Variants in NAT1 observed in about 807,000 individuals in gnomAD.
NAT1 encodes arylamine N-acetyltransferase 1.
For synonymous variants in NAT1, 144 were observed against 122.6 expected, an observed-to-expected ratio of 1.17 and a Z score of -1.16; for missense variants, 400 against 339.2, an observed-to-expected ratio of 1.18 and a Z score of -1.41.
chr8:18,221,898 A>T lies in NAT1; in HGVS notation c.-6-144A>T, dbSNP rs182393083. 4.5e-4 allele frequency: 392 copies of T among 862,442 alleles called. 1 individual carries two copies. The African/African-American group carries it at 5.7e-3, about 12-fold the overall frequency. 53.4% of individuals were successfully genotyped at this position (862,442 alleles called of 1,614,324 possible). A position where few individuals can be genotyped will look rare whatever the true frequency, so the allele number is the denominator to read the frequency against. Reference sequence around the variant, plus strand: ...AACTGAACTTATGTGTGTAAAAGGAATTCATACAATGAAAGCACTAGAAAT... The same window carrying T: ...AACTGAACTTATGTGTGTAAAAGGATTTCATACAATGAAAGCACTAGAAAT... On this transcript the variant is annotated intron_variant, in intron 2 of 2. Coordinates refer to ENST00000307719, the MANE Select transcript of NAT1 (RefSeq NM_000662.8).
At chr8:18,189,946 C>G (rs972334236) in intron 2 of NAT1, among the ~76,000 whole-genome samples, 1 of 152,106 alleles carries the variant, frequency 6.6e-6, no homozygotes, top group Non-Finnish European at 1.5e-5. Context: ...CGTGCCACCA[C>G]ACCTGGCTAA....
chr8:18,185,241 A>C (rs1289171664), intron 2 of NAT1, among the ~76,000 whole-genome samples: 1 of 152,160 alleles, frequency 6.6e-6, no homozygotes, highest in Non-Finnish European at 1.5e-5. Flanking sequence ...AAGTTTTGTA[A>C]ATATTTAGTA....
chr8:18,193,939 C>T (rs1803127014), intron 2 of NAT1, among the ~76,000 whole-genome samples: 1 of 152,170 alleles, frequency 6.6e-6, no homozygotes, highest in African/African-American at 2.4e-5. Flanking sequence ...CCACACCCGG[C>T]CTAAACCTGC....
In NAT1 at chr8:18,197,438, G is replaced by A. The variant is rs28383687; in HGVS notation, n.93-12343G>A. Reference sequence around the variant, plus strand: ...GATCTCTCCACCTCTAGCAGACATCGGCAGTGTCTGGAGACATTTTTGGTT... The same window carrying A: ...GATCTCTCCACCTCTAGCAGACATCAGCAGTGTCTGGAGACATTTTTGGTT... On this transcript the variant is annotated intron_variant and non_coding_transcript_variant, in intron 2 of 4. Transcript: ENST00000517441. 6.8e-3 allele frequency among the ~76,000 whole-genome samples: 1,028 copies of A among 152,250 alleles called. 12 individuals are homozygous for A. Among genetic ancestry groups the A allele is most frequent in the African/African-American group, 0.022 (929 of 41,530 alleles).
rs116388750 is a variant in NAT1, at chr8:18,179,251, C to A, written n.92+8512C>A. ...TCCAGTTCCAGGACACTCTTCATATCCTCAATGTGGTAATACTACATAATC... is the reference window on the plus strand; with the variant it reads ...TCCAGTTCCAGGACACTCTTCATATACTCAATGTGGTAATACTACATAATC... On this transcript the variant is annotated intron_variant and non_coding_transcript_variant, in intron 2 of 4. Transcript: ENST00000517441. Among the ~76,000 whole-genome samples the A allele has an allele frequency of 3.3e-3, 496 of 152,268 alleles. 5 individuals carry two copies. Among genetic ancestry groups the A allele is most frequent in the African/African-American group, 0.011 (473 of 41,558 alleles).
rs3038965 is a variant in NAT1, at chr8:18,173,146, GCACACACACACACA to G, written n.92+2426_92+2439del. 6.8e-4 allele frequency among the ~76,000 whole-genome samples: 99 copies of G among 146,634 alleles called. 1 individual carries two copies. The highest frequency in any genetic ancestry group is 3.5e-3 in the Middle Eastern group (1 of 284). On this transcript the variant is annotated intron_variant and non_coding_transcript_variant, in intron 2 of 4. Coordinates refer to the NAT1 transcript ENST00000517441. ...TTAGAGCACACGTGCACACAGAGAT[GCACACACACACACA>G]CACACACACACACACACAATGATCA...
At chr8:18,207,231 T>C (rs143649981), upstream of NAT1, among the ~76,000 whole-genome samples, 2 of 152,224 alleles carry the variant, frequency 1.3e-5, no homozygotes, top group African/African-American at 4.8e-5. Flanking sequence ...CATTGGTCTA[T>C]GTGTCCGTTT....
intron 2 of NAT1, among the ~76,000 whole-genome samples, chr8:18,186,058 A>G (rs1282388261): frequency 2.0e-5 from 3 of 152,148 alleles, no homozygotes; most frequent in Non-Finnish European, 4.4e-5. Context: ...CTTGCGTTAC[A>G]CGTTTGGGAA....
At chr8:18,201,799 G>A (rs548851262) in intron 2 of NAT1, among the ~76,000 whole-genome samples, 2 of 152,236 alleles carry the variant, frequency 1.3e-5, no homozygotes, top group South Asian at 2.1e-4. Flanking sequence ...TCTTGATTTC[G>A]GGGTATCTAA....
intron 2 of NAT1, among the ~76,000 whole-genome samples, chr8:18,220,770 C>G (rs1805198186): frequency 6.6e-6 from 1 of 152,146 alleles, no homozygotes; most frequent in African/African-American, 2.4e-5. Flanking sequence ...GAATACCCCA[C>G]CAGCTTCTAC....
At chr8:18,193,571 C>G (rs1803107884) in intron 2 of NAT1, among the ~76,000 whole-genome samples, 2 of 144,756 alleles carry the variant, frequency 1.4e-5, no homozygotes, top group African/African-American at 2.5e-5. Context: ...AGAGACAGTC[C>G]TTCTATCATG....
At chr8:18,185,195 G>C (rs1802686288) in intron 2 of NAT1, among the ~76,000 whole-genome samples, 1 of 152,050 alleles carries the variant, frequency 6.6e-6, no homozygotes, top group South Asian at 2.1e-4. Flanking sequence ...TAGGGGAAGA[G>C]TTCTTATTTT....
chr8:18,188,348 C>T (rs899451568), intron 2 of NAT1, among the ~76,000 whole-genome samples: 9 of 152,064 alleles, frequency 5.9e-5, no homozygotes, highest in African/African-American at 1.2e-4. Context: ...ACACTAATGA[C>T]GAAATTTTTC....
At chr8:18,189,577 G>C (rs183532732) in intron 2 of NAT1, among the ~76,000 whole-genome samples, 1 of 152,204 alleles carries the variant, frequency 6.6e-6, no homozygotes, top group African/African-American at 2.4e-5. Context: ...CTCAAGGGGA[G>C]TGGGAAGTGA....
At chr8:18,180,309 G>A (rs937917347) in intron 2 of NAT1, among the ~76,000 whole-genome samples, 2 of 152,166 alleles carry the variant, frequency 1.3e-5, no homozygotes, top group Non-Finnish European at 2.9e-5. Context: ...CAAGGGGGAT[G>A]CTATTTGACT....
intron 2 of NAT1, among the ~76,000 whole-genome samples, chr8:18,189,469 A>C (rs1040735141): frequency 6.6e-6 from 1 of 152,186 alleles, no homozygotes; most frequent in African/African-American, 2.4e-5. Flanking sequence ...CACGTGTAAT[A>C]ATATAATAAA....
upstream of NAT1, among the ~76,000 whole-genome samples, chr8:18,206,460 T>C (rs977692769): frequency 1.3e-5 from 2 of 152,194 alleles, no homozygotes; most frequent in Non-Finnish European, 2.9e-5. Context: ...AAAAACTGAA[T>C]GCTATTCCTC....
At chr8:18,182,047 T>G (rs1563163709) in intron 2 of NAT1, among the ~76,000 whole-genome samples, 2 of 152,174 alleles carry the variant, frequency 1.3e-5, no homozygotes, top group African/African-American at 2.4e-5. Flanking sequence ...GTCTCTCTCC[T>G]CTCTATGGTG....
intron 2 of NAT1, among the ~76,000 whole-genome samples, chr8:18,175,364 C>G (rs1437177051): frequency 6.6e-6 from 1 of 151,942 alleles, no homozygotes; most frequent in African/African-American, 2.4e-5. Context: ...TTTCCATTCC[C>G]CATCCCTCCT....
Sources: allele counts gnomAD v4.1 joint callset (sites outside exome capture counted in the v4.1 genomes callset), GRCh38; gene constraint gnomAD v4.1.1; transcripts MANE v1.5; gene names NCBI Gene and HGNC (gene_info 2026-07-23, HGNC 2026-07-21).